Variants in SLC1A1 observed in about 807,000 individuals in gnomAD.
The protein encoded by SLC1A1 is excitatory amino acid transporter 3.
In SLC1A1, 43 loss-of-function variants were observed where a neutral mutation model predicts 53.3. The ratio of observed to expected loss-of-function variants is 0.81; its 90% CI spans 0.63 to 1.04. The LOEUF is 1.04. Among genes scored for constraint, SLC1A1 ranks in the 50% least tolerant of loss-of-function variants. The pLI, the probability that SLC1A1 is intolerant of heterozygous loss-of-function variation, is 0.00. For synonymous variants in SLC1A1, 307 were observed against 243.2 expected, an observed-to-expected ratio of 1.26 and a Z score of -2.44; for missense variants, 748 against 664.9, an observed-to-expected ratio of 1.12 and a Z score of -1.37.
intron 8 of SLC1A1, 85 bp from the exon 9 acceptor site, chr9:4,575,915 TA>T: frequency 6.6e-7 from 1 of 1,507,276 alleles, no homozygotes; most frequent in East Asian, 2.3e-5. Flanking sequence ...AACAATTTTA[TA>T]AATTAAAAAG....
At chr9:4,535,699 A>G (rs1816649798) in intron 1 of SLC1A1, among the ~76,000 whole-genome samples, 1 of 151,384 alleles carries the variant, frequency 6.6e-6, no homozygotes, top group South Asian at 2.1e-4. Flanking sequence ...ACAGAATTGG[A>G]AAAAACTACT....
At chr9:4,574,159 G>A (rs1820331530) in intron 8 of SLC1A1, 145 bp downstream of exon 8, 1 of 708,580 alleles carries the variant, frequency 1.4e-6, no homozygotes, top group Non-Finnish European at 2.6e-6. Flanking sequence ...GCAGGGGGAG[G>A]AGGGCTGCCC....
At chr9:4,575,855 C>A in intron 8 of SLC1A1, 146 bp from the exon 9 acceptor site, 2 of 814,806 alleles carry the variant, frequency 2.5e-6, no homozygotes, top group African/African-American at 1.7e-5. Flanking sequence ...TGGAATGGGA[C>A]GTATATTCCT....
At chr9:4,537,583 T>TAAA (rs1171027024) in intron 1 of SLC1A1, among the ~76,000 whole-genome samples, 1 of 24,108 alleles carries the variant, frequency 4.1e-5, no homozygotes, top group African/African-American at 1.7e-4. Context: ...TAAAATAAAA[T>TAAA]AAAATAAAAT....
intron 1 of SLC1A1, among the ~76,000 whole-genome samples, chr9:4,519,271 C>G (rs1304556945): frequency 6.6e-6 from 1 of 152,172 alleles, no homozygotes; most frequent in South Asian, 2.1e-4. Flanking sequence ...TAAATACATT[C>G]TAAAATAGCA....
At chr9:4,581,664 C>T (rs940350358) in intron 10 of SLC1A1, among the ~76,000 whole-genome samples, 63 of 152,144 alleles carry the variant, frequency 4.1e-4, no homozygotes, top group African/African-American at 1.5e-3. Context: ...TAAACTTGGG[C>T]TTTCCAAAGA....
chr9:4,564,655 G>A (rs888936204), intron 4 of SLC1A1, among the ~76,000 whole-genome samples, 197 bp downstream of exon 4: 5 of 152,182 alleles, frequency 3.3e-5, no homozygotes, highest in Non-Finnish European at 5.9e-5. Context: ...AGAGGGAAGG[G>A]AAGAAACAGG....
In SLC1A1 at chr9:4,583,001, A is replaced by C. The variant is rs1339732945; in HGVS notation, c.1194-37A>C. The C allele has an allele frequency of 1.2e-6, 2 of 1,613,800 alleles. No individual in the cohort carries two copies. Among genetic ancestry groups the C allele is most frequent in the East Asian group, 4.5e-5 (2 of 44,886 alleles). On this transcript the variant is annotated intron_variant, in intron 10 of 11. Transcript: ENST00000262352. The surrounding 1 kb of genome is among the most constrained non-coding windows in gnomAD (Gnocchi z 4.6). ...GGCCAGGGCTTTAACGGGAGAGGTA[A>C]GTGTCTAACTCCTTTCCTGCTGGTA...
At chr9:4,515,012 ACTCTCTCTCTCCTCTTCTCTTT>A (rs1405365901) in intron 1 of SLC1A1, among the ~76,000 whole-genome samples, 1 of 146,458 alleles carries the variant, frequency 6.8e-6, no homozygotes, top group African/African-American at 2.5e-5. Flanking sequence ...TTTCTCGCTG[ACTCTCTCTCTCCTCTTCTCTTT>A]CTCTCTCTCT....
chr9:4,506,635 G>A (rs1392201684), intron 1 of SLC1A1, among the ~76,000 whole-genome samples: 1 of 152,022 alleles, frequency 6.6e-6, no homozygotes, highest in Non-Finnish European at 1.5e-5. Flanking sequence ...ATGCTTGGTT[G>A]CTTTTTTAAC....
intron 3 of SLC1A1, among the ~76,000 whole-genome samples, chr9:4,563,692 A>T (rs1314344448): frequency 6.6e-6 from 1 of 152,140 alleles, no homozygotes; most frequent in Non-Finnish European, 1.5e-5. Flanking sequence ...AGTGACAGGA[A>T]CCCATTACTT....
intron 1 of SLC1A1, among the ~76,000 whole-genome samples, chr9:4,497,964 T>C (rs189584129): frequency 2.6e-5 from 4 of 152,318 alleles, no homozygotes; most frequent in African/African-American, 9.6e-5. Context: ...ATGATCTTTA[T>C]TGAAAAAGAG....
intron 1 of SLC1A1, among the ~76,000 whole-genome samples, chr9:4,527,983 C>T (rs1816323672): frequency 6.6e-6 from 1 of 152,176 alleles, no homozygotes; most frequent in African/African-American, 2.4e-5. Flanking sequence ...TGTTACTCAG[C>T]TTATTCTGTG....
intron 1 of SLC1A1, among the ~76,000 whole-genome samples, chr9:4,535,007 AC>A (rs575182482): frequency 2.6e-5 from 4 of 152,180 alleles, no homozygotes; most frequent in South Asian, 2.1e-4. Context: ...AAATTCAACA[AC>A]CCTTCATTCT....
At chr9:4,565,379 T>C (rs184194550) in intron 4 of SLC1A1, among the ~76,000 whole-genome samples, 3 of 152,326 alleles carry the variant, frequency 2.0e-5, no homozygotes, top group East Asian at 1.9e-4. Flanking sequence ...AAGAACTACC[T>C]GGGACTGGGT....
intron 1 of SLC1A1, among the ~76,000 whole-genome samples, chr9:4,497,113 C>G (rs562578366): frequency 3.1e-3 from 476 of 151,900 alleles, no homozygotes; most frequent in Non-Finnish European, 4.3e-3. Flanking sequence ...TACCACAAAC[C>G]GGGTGGTTTT....
intron 2 of SLC1A1, among the ~76,000 whole-genome samples, chr9:4,560,645 C>G (rs541008268): frequency 6.6e-6 from 1 of 150,992 alleles, no homozygotes; most frequent in African/African-American, 2.4e-5. Context: ...AGCTTCCTGA[C>G]AGAAAAGGCA....
chr9:4,503,084 T>G (rs1286129095), intron 1 of SLC1A1, among the ~76,000 whole-genome samples: 6 of 151,832 alleles, frequency 4.0e-5, no homozygotes, highest in African/African-American at 1.5e-4. Context: ...CTGACTGCAG[T>G]TGGAGATAAT....
chr9:4,535,313 G>C (rs554211975), intron 1 of SLC1A1, among the ~76,000 whole-genome samples: 11 of 152,214 alleles, frequency 7.2e-5, no homozygotes, highest in Non-Finnish European at 1.3e-4. Context: ...AAACCCCATT[G>C]TCTCAGCCCA....
Sources: gnomAD v4.1 joint callset for allele counts (sites outside exome capture counted in the v4.1 genomes callset) on GRCh38, gnomAD v4.1.1 for gene constraint, Gnocchi (gnomAD v3.1) non-coding constraint, MANE v1.5 for transcripts, NCBI Gene and HGNC (gene_info 2026-07-23, HGNC 2026-07-21) for gene names.